The following CEBPZOS variants were observed in gnomAD, a reference collection of about 807,000 sequenced individuals.
CEBPZOS encodes CEBPZ opposite strand, also known as protein CEBPZOS.
CEBPZOS carries 10 observed loss-of-function variants against 4.8 expected under a neutral mutation model. The ratio of observed to expected loss-of-function variants is 2.07; its 90% CI spans 1.28 to 3.52. CEBPZOS has a LOEUF of 3.52. Ranked by LOEUF, CEBPZOS falls within the 30% of genes most tolerant of loss-of-function variation. The probability of loss-of-function intolerance (pLI) is 0.00; values close to 1 mark genes in which losing one functional copy is unlikely to be tolerated. For synonymous variants in CEBPZOS, 25 were observed against 14.2 expected (o/e 1.77, Z -1.72); for missense variants, 98 against 43.6 (o/e 2.25, Z -3.51).
At chr2:37,199,947 G>A (rs1039776719) in intron 2 of CEBPZOS, 128 bp downstream of exon 2, 1 of 611,900 alleles carries the variant, frequency 1.6e-6, no homozygotes, top group Non-Finnish European at 3.0e-6. Flanking sequence ...GACATTTTTA[G>A]GGGCAGAACA....
chr2:37,211,654 A>C, intron 4 of CEBPZOS: 2 of 501,264 alleles, frequency 4.0e-6, no homozygotes, highest in Non-Finnish European at 6.9e-6. Context: ...CTTAAAAGAA[A>C]ACACACATAA....
chr2:37,213,767 A>AT, downstream of CEBPZOS: 2 of 788,998 alleles, frequency 2.5e-6, no homozygotes, highest in East Asian at 3.0e-5. Flanking sequence ...TAGCTAAGTG[A>AT]TTTTTTAAAA....
intron 4 of CEBPZOS, chr2:37,210,141 G>C (rs535765294): frequency 6.6e-6 from 1 of 152,310 alleles, no homozygotes; most frequent in South Asian, 2.1e-4. Flanking sequence ...TGTTGGCATG[G>C]ATGTGGTAAT....
downstream of CEBPZOS, among the ~76,000 whole-genome samples, chr2:37,207,128 C>T (rs1677565142): frequency 2.0e-5 from 3 of 152,158 alleles, no homozygotes; most frequent in Non-Finnish European, 2.9e-5. Flanking sequence ...TATGCACCTA[C>T]CACCAGAGCT....
At chr2:37,210,827 G>A (rs1218640372) in intron 4 of CEBPZOS, 7 of 480,146 alleles carry the variant, frequency 1.5e-5, no homozygotes, top group African/African-American at 4.0e-5. Context: ...ATCTGAATGC[G>A]AGAAACAATT....
chr2:37,198,520 G>A (rs1459830716), intron 1 of CEBPZOS: 1 of 152,120 alleles, frequency 6.6e-6, no homozygotes, highest in East Asian at 1.9e-4. Flanking sequence ...GGAAGTGAAT[G>A]GAGTAAACAC....
chr2:37,212,309 G>A (rs903100254), intron 4 of CEBPZOS: 12 of 1,597,990 alleles, frequency 7.5e-6, no homozygotes, highest in Non-Finnish European at 1.0e-5. Flanking sequence ...TAGAAAAATA[G>A]GAAGGAGAAG....
chr2:37,206,532 A>AT (rs1177450669), downstream of CEBPZOS, among the ~76,000 whole-genome samples: 4 of 151,978 alleles, frequency 2.6e-5, no homozygotes, highest in Non-Finnish European at 4.4e-5. Flanking sequence ...TAATTTTTGT[A>AT]TTTTTTGTAG....
downstream of CEBPZOS, among the ~76,000 whole-genome samples, chr2:37,208,199 A>G (rs775157307): frequency 2.0e-5 from 3 of 152,222 alleles, no homozygotes; most frequent in Non-Finnish European, 2.9e-5. Context: ...AGATGGATTC[A>G]CAGCTGAATT....
chr2:37,197,637 C>G (rs529473736), intron 1 of CEBPZOS, among the ~76,000 whole-genome samples: 1 of 152,080 alleles, frequency 6.6e-6, no homozygotes, highest in Non-Finnish European at 1.5e-5. Context: ...TTTGGGAGGC[C>G]GAGGCGGGAG....
intron 3 of CEBPZOS, chr2:37,201,349 C>T (rs534482065): frequency 6.0e-6 from 3 of 499,608 alleles, no homozygotes; most frequent in Middle Eastern, 5.3e-4. Flanking sequence ...ACAGTTTAAA[C>T]CTTTGGTTTT....
chr2:37,210,717 G>A, intron 4 of CEBPZOS: 1 of 304,950 alleles, frequency 3.3e-6, no homozygotes, highest in Non-Finnish European at 6.2e-6. Context: ...CACTACTAAA[G>A]AACTTACCTA....
At chr2:37,207,892 A>G (rs548374415), downstream of CEBPZOS, among the ~76,000 whole-genome samples, 4 of 152,174 alleles carry the variant, frequency 2.6e-5, no homozygotes, top group African/African-American at 4.8e-5. Context: ...GAAAATCGGT[A>G]GACCATTAGC....
intron 4 of CEBPZOS, chr2:37,210,964 A>G (rs1677702506): frequency 4.1e-6 from 6 of 1,472,800 alleles, no homozygotes; most frequent in Non-Finnish European, 5.6e-6. Flanking sequence ...TCACATGGAC[A>G]CTGCTTTTAA....
chr2:37,196,885 G>A (rs966493569), intron 1 of CEBPZOS, among the ~76,000 whole-genome samples: 2 of 152,220 alleles, frequency 1.3e-5, no homozygotes, highest in Non-Finnish European at 2.9e-5. Context: ...CCAGCTCTCG[G>A]CCTCTGTTGA....
chr2:37,211,042 CTTGCTTTTCTT>C, intron 4 of CEBPZOS: 1 of 1,612,126 alleles, frequency 6.2e-7, no homozygotes, highest in Non-Finnish European at 8.5e-7. Flanking sequence ...TACCTTTTCT[CTTGCTTTTCTT>C]AGTACTGACT....
downstream of CEBPZOS, among the ~76,000 whole-genome samples, chr2:37,207,083 T>G (rs959263161): frequency 9.2e-5 from 14 of 152,144 alleles, no homozygotes; most frequent in Admixed American, 2.6e-4. Context: ...AGTAAAATGA[T>G]TAGTCCAACA....
In CEBPZOS at chr2:37,202,044, T is replaced by C. The variant is rs2148328730; in HGVS notation, c.*184T>C. 7 of 540,722 alleles carry C rather than the reference T, an allele frequency of 1.3e-5. No individual in the cohort carries two copies. In the East Asian group the frequency reaches 1.8e-4, roughly 14 times the overall value. The allele number at this position is 540,722 out of a possible 1,614,324, so 33.5% of individuals were successfully genotyped here. On this transcript the variant is annotated 3_prime_UTR_variant, in exon 5 of 5. Transcript: ENST00000402297. Reference sequence around the variant, plus strand: ...ACCCACTATACAAACCCACTGCTTGTTTGTTGCTTTTCTTCTCATATTTAT... The same window carrying C: ...ACCCACTATACAAACCCACTGCTTGCTTGTTGCTTTTCTTCTCATATTTAT...
intron 4 of CEBPZOS, chr2:37,210,713 T>A: frequency 3.4e-6 from 1 of 293,140 alleles, no homozygotes; most frequent in Non-Finnish European, 6.5e-6. Flanking sequence ...AAATCACTAC[T>A]AAAGAACTTA....
Sources: gnomAD v4.1 joint callset for allele counts (sites outside exome capture counted in the v4.1 genomes callset) on GRCh38, gnomAD v4.1.1 for gene constraint, MANE v1.5 for transcripts, NCBI Gene and HGNC (gene_info 2026-07-23, HGNC 2026-07-21) for gene names.